The following HBS1L variants were observed in gnomAD, a reference collection of about 807,000 sequenced individuals.
HBS1L encodes HBS1-like protein.
In HBS1L, 55 loss-of-function variants were observed where a neutral mutation model predicts 88.9. That is an observed-to-expected ratio of 0.62 (90% confidence interval 0.50 to 0.77). The LOEUF is 0.77. Ranked by LOEUF, HBS1L falls within the 30% of genes least tolerant of loss-of-function variation. The pLI, the probability that HBS1L is intolerant of heterozygous loss-of-function variation, is 0.00. For missense variants in HBS1L, 741 were observed against 829.3 expected (o/e 0.89, Z 1.31); for synonymous variants, 267 against 288.5 (o/e 0.93, Z 0.76).
At chr6:134,970,821 G>C (rs1429604555) in intron 15 of HBS1L, among the ~76,000 whole-genome samples, 1 of 152,196 alleles carries the variant, frequency 6.6e-6, no homozygotes, top group African/African-American at 2.4e-5. Context: ...AACAAAGTTA[G>C]ACTGACTATC....
intron 15 of HBS1L, among the ~76,000 whole-genome samples, chr6:134,973,949 T>A (rs1484228403): frequency 1.3e-5 from 2 of 151,882 alleles, no homozygotes; most frequent in Non-Finnish European, 2.9e-5. Context: ...TATATATATA[T>A]AAAATAATAA....
In HBS1L at chr6:134,962,961, T is replaced by C. The variant is rs1162215733; in HGVS notation, c.*2318A>G. 1 of 152,156 alleles carries C rather than the reference T, an allele frequency of 6.6e-6. No individual in the cohort carries two copies. Among genetic ancestry groups the C allele is most frequent in the Non-Finnish European group, 1.5e-5 (1 of 68,022 alleles). 9.4% of individuals were successfully genotyped at this position (152,156 alleles called of 1,614,324 possible). A position where few individuals can be genotyped will look rare whatever the true frequency, so the allele number is the denominator to read the frequency against. On this transcript the variant is annotated 3_prime_UTR_variant, in exon 18 of 18. Transcript: ENST00000367837. ...CCTTTCAACCACAATCAATCATCAA[T>C]AAAATGCAAATAAAAAGATTGTACT... is the stretch of plus-strand genomic sequence containing the variant.
chr6:134,971,722 A>G (rs1240694028), intron 15 of HBS1L, among the ~76,000 whole-genome samples: 5 of 152,198 alleles, frequency 3.3e-5, no homozygotes, highest in Admixed American at 3.3e-4. Context: ...TGTGCAGCAT[A>G]GTGTAATAGG....
chr6:135,054,769 T>G lies in HBS1L; in HGVS notation c.-78A>C, dbSNP rs1583170124. On this transcript the variant is annotated 5_prime_UTR_variant, in exon 1 of 18. Coordinates refer to ENST00000367837, the MANE Select transcript of HBS1L (RefSeq NM_006620.4). Reference sequence around the variant, plus strand: ...GCTTAGATACTGATAAGGCGCCAACTGCAGCCTGGAGAACCCCTATGCGCC... The same window carrying G: ...GCTTAGATACTGATAAGGCGCCAACGGCAGCCTGGAGAACCCCTATGCGCC... 4 of 1,559,118 alleles carry G rather than the reference T, an allele frequency of 2.6e-6. No homozygotes were observed. The highest frequency in any genetic ancestry group is 1.4e-5 in the African/African-American group (1 of 73,782).
chr6:135,039,448 A>G, intron 4 of HBS1L, 125 bp downstream of exon 4: 1 of 761,684 alleles, frequency 1.3e-6, no homozygotes. Flanking sequence ...AAAAGTTAAC[A>G]ATAACATGCA....
At chr6:134,968,164 A>G (rs1295827675) in intron 16 of HBS1L, among the ~76,000 whole-genome samples, 1 of 152,346 alleles carries the variant, frequency 6.6e-6, no homozygotes, top group Non-Finnish European at 1.5e-5. Flanking sequence ...TTATTGGAAA[A>G]GAAGTTGGAA....
intron 2 of HBS1L, among the ~76,000 whole-genome samples, chr6:135,043,434 C>T (rs1042698882): frequency 3.9e-5 from 6 of 152,088 alleles, no homozygotes; most frequent in African/African-American, 1.4e-4. Flanking sequence ...TATACAATCA[C>T]ATTGAGGGGT....
chr6:135,004,938 A>G (rs1775570190), intron 4 of HBS1L, among the ~76,000 whole-genome samples: 1 of 152,210 alleles, frequency 6.6e-6, no homozygotes, highest in Admixed American at 6.5e-5. Context: ...GAAGAACTCT[A>G]GCATTTAATG....
chr6:135,052,540 C>T lies in HBS1L; in HGVS notation c.44-1893G>A, dbSNP rs146468541. Among the ~76,000 whole-genome samples the T allele has an allele frequency of 3.8e-3, 572 of 149,964 alleles. 3 individuals carry two copies. Among genetic ancestry groups the T allele is most frequent in the African/African-American group, 0.013 (510 of 40,596 alleles). ...AGAGCTATGATCATGCCACTGCACT[C>T]GCACTCCAGCTTGGCCAACCAACAA... On this transcript the variant is annotated intron_variant, in intron 1 of 17. Coordinates refer to ENST00000367837, the MANE Select transcript of HBS1L (RefSeq NM_006620.4).
At chr6:134,970,719 G>C (rs1774458263) in intron 15 of HBS1L, among the ~76,000 whole-genome samples, 1 of 152,162 alleles carries the variant, frequency 6.6e-6, no homozygotes, top group South Asian at 2.1e-4. Flanking sequence ...TCCCACTTGA[G>C]TTTACAAGGA....
rs941572834 is a variant in HBS1L, at chr6:134,988,305, G to T, written c.1084-514C>A. On this transcript the variant is annotated intron_variant, in intron 8 of 17. Transcript: ENST00000367837. The stretch of plus-strand genomic sequence containing the variant: ...TAGAACCTGAGAGGCAGAGGTTGCA[G>T]TGAGTCGAGATCGCCCCACTACACT... Among the ~76,000 whole-genome samples, 4 of 152,204 alleles carry T rather than the reference G, an allele frequency of 2.6e-5. No homozygotes were observed. In the East Asian group the frequency reaches 5.8e-4, roughly 22 times the overall value.
At chr6:134,996,995 T>A in intron 6 of HBS1L, 53 bp from the exon 7 acceptor site, 1 of 1,282,764 alleles carries the variant, frequency 7.8e-7, no homozygotes, top group Non-Finnish European at 1.1e-6. Context: ...GATGTTCACA[T>A]TGAGGCATTG....
At chr6:134,999,968 T>G (rs1775402901) in intron 5 of HBS1L, among the ~76,000 whole-genome samples, 2 of 152,214 alleles carry the variant, frequency 1.3e-5, no homozygotes, top group Admixed American at 1.3e-4. Flanking sequence ...TATAATTAAT[T>G]ACTGACTGGT....
intron 4 of HBS1L, among the ~76,000 whole-genome samples, chr6:135,013,092 GT>G (rs2114839020): frequency 6.6e-6 from 1 of 152,276 alleles, no homozygotes; most frequent in Admixed American, 6.5e-5. Context: ...CACAACCTGA[GT>G]TTGAAGCCAG....
At chr6:135,005,013 A>T (rs927913356) in intron 4 of HBS1L, among the ~76,000 whole-genome samples, 17 of 152,166 alleles carry the variant, frequency 1.1e-4, no homozygotes, top group African/African-American at 3.9e-4. Flanking sequence ...GTGCCAATGA[A>T]GCTAAGGGAA....
intron 4 of HBS1L, among the ~76,000 whole-genome samples, chr6:135,031,702 C>T (rs1735061339): frequency 6.6e-6 from 1 of 152,112 alleles, no homozygotes; most frequent in Non-Finnish European, 1.5e-5. Flanking sequence ...TCCTCCTCCC[C>T]TTTGACGTAA....
intron 2 of HBS1L, among the ~76,000 whole-genome samples, chr6:135,046,101 C>G (rs918558951): frequency 3.9e-5 from 6 of 152,170 alleles, no homozygotes; most frequent in Non-Finnish European, 7.4e-5. Flanking sequence ...TTGCATTAAT[C>G]CTGGTAGTCT....
At chr6:134,995,790 T>G (rs1177834268) in intron 7 of HBS1L, among the ~76,000 whole-genome samples, 1 of 152,004 alleles carries the variant, frequency 6.6e-6, no homozygotes, top group Non-Finnish European at 1.5e-5. Flanking sequence ...CTTACTAGGA[T>G]AGAAAACAGG....
At position 134,966,262 on chromosome 6, in the gene HBS1L, C is replaced by T. The variant is rs988075800; in HGVS notation, c.2043+67G>A. 4 of 1,372,478 alleles carry T rather than the reference C, an allele frequency of 2.9e-6. No individual in the cohort carries two copies. The African/African-American group carries it at 5.9e-5, about 20-fold the overall frequency. 85.0% of individuals were successfully genotyped at this position (1,372,478 alleles called of 1,614,324 possible). A position where few individuals can be genotyped will look rare whatever the true frequency, so the allele number is the denominator to read the frequency against. ...TTCCCTCAATGCTTTCTTTTCATTC[C>T]TAAAAGGTAAAAAAGAAAAGGCATC... On this transcript the variant is annotated intron_variant, in intron 17 of 17. Transcript: ENST00000367837.
Sources: gnomAD v4.1 joint callset for allele counts (sites outside exome capture counted in the v4.1 genomes callset) on GRCh38, gnomAD v4.1.1 for gene constraint, MANE v1.5 for transcripts, NCBI Gene and HGNC (gene_info 2026-07-23, HGNC 2026-07-21) for gene names.